The following MEGF10 variants were observed in gnomAD, a reference collection of about 807,000 sequenced individuals.
The protein encoded by MEGF10 is multiple EGF like domains 10, also known as multiple epidermal growth factor-like domains protein 10.
Under a neutral mutation model 147.5 loss-of-function variants are expected in MEGF10, and 86 were observed. The ratio of observed to expected loss-of-function variants is 0.58; its 90% CI spans 0.49 to 0.70. The LOEUF is 0.70. Among genes scored for constraint, MEGF10 ranks in the 30% least tolerant of loss-of-function variants. The pLI is 0.00. For synonymous variants in MEGF10, 478 were observed against 525.5 expected (o/e 0.91, Z 1.24); for missense variants, 1,329 against 1,487.3 (o/e 0.89, Z 1.75).
At chr5:127,444,074 T>C (rs1030405713) in intron 19 of MEGF10, among the ~76,000 whole-genome samples, 1 of 152,198 alleles carries the variant, frequency 6.6e-6, no homozygotes, top group African/African-American at 2.4e-5. Context: ...AGGTACATGG[T>C]CCTATTTGGG....
the MEGF10 span, among the ~76,000 whole-genome samples, chr5:127,285,612 T>C: frequency 1.3e-5 from 2 of 152,116 alleles, no homozygotes; most frequent in African/African-American, 4.8e-5. Flanking sequence ...TTGACATTTT[T>C]AGAACAATCT....
chr5:127,258,448 C>T, the MEGF10 span, among the ~76,000 whole-genome samples: 1 of 152,080 alleles, frequency 6.6e-6, no homozygotes, highest in Non-Finnish European at 1.5e-5. Flanking sequence ...TGAATATCAT[C>T]CATTAGTAAT....
rs373994791 is a variant in MEGF10, at chr5:127,417,648, A to C, written c.1141A>C (p.Met381Leu). Residue 381 changes from methionine to leucine, a missense_variant, in exon 10 of 25, where the codon ATG becomes CTG. Transcript: ENST00000503335. Reference sequence around the variant, plus strand: ...ATCCATGTCTCTCAGCTGTCACCCCATGTCTGGAGAGTGTGCCTGCAAGCC... The same window carrying C: ...ATCCATGTCTCTCAGCTGTCACCCCCTGTCTGGAGAGTGTGCCTGCAAGCC... ...HLENTHSCHPMSGECACKPGW... is the reference protein window; with the variant it reads ...HLENTHSCHPLSGECACKPGW... 6.2e-7 allele frequency: 1 copy of C among 1,614,130 alleles called. No individual in the cohort carries two copies. The highest frequency in any genetic ancestry group is 8.5e-7 in the Non-Finnish European group (1 of 1,180,006).
chr5:127,391,269 G>A (rs1272364241), intron 5 of MEGF10, among the ~76,000 whole-genome samples: 1 of 151,960 alleles, frequency 6.6e-6, no homozygotes, highest in Non-Finnish European at 1.5e-5. Context: ...CTGTCCTGTA[G>A]TACTATATAA....
chr5:127,262,908 A>T, the MEGF10 span, among the ~76,000 whole-genome samples: 2 of 152,190 alleles, frequency 1.3e-5, no homozygotes, highest in African/African-American at 2.4e-5. Flanking sequence ...TTGAAGTTTT[A>T]TCCTGCCATA....
intron 9 of MEGF10, among the ~76,000 whole-genome samples, chr5:127,416,477 A>T (rs1225809185): frequency 6.6e-6 from 1 of 152,188 alleles, no homozygotes; most frequent in Non-Finnish European, 1.5e-5. Context: ...TGGTCCTGTG[A>T]ATCTAAACCT....
chr5:127,333,170 G>A (rs146034531), intron 2 of MEGF10, among the ~76,000 whole-genome samples: 81 of 152,234 alleles, frequency 5.3e-4, no homozygotes, highest in African/African-American at 1.7e-3. Context: ...GGAATATCCA[G>A]CATGATGAGA....
chr5:127,454,538 G>C, intron 22 of MEGF10, 28 bp from the exon 23 acceptor site: 1 of 1,597,068 alleles, frequency 6.3e-7, no homozygotes, highest in Non-Finnish European at 8.5e-7. Context: ...AGTTCTCACT[G>C]GGTGTTTTTT....
chr5:127,269,050 A>T, the MEGF10 span, among the ~76,000 whole-genome samples: 1 of 152,242 alleles, frequency 6.6e-6, no homozygotes, highest in Non-Finnish European at 1.5e-5. Flanking sequence ...AGGAAAACTA[A>T]CAAACAGAAA....
At chr5:127,271,404 G>A in the MEGF10 span, among the ~76,000 whole-genome samples, 1 of 147,958 alleles carries the variant, frequency 6.8e-6, no homozygotes, top group Admixed American at 6.7e-5. Context: ...TTTTAGTGGG[G>A]TTTTTTTTTT....
At chr5:127,251,927 TAAC>T in the MEGF10 span, among the ~76,000 whole-genome samples, 1 of 151,786 alleles carries the variant, frequency 6.6e-6, no homozygotes, top group Non-Finnish European at 1.5e-5. Context: ...AATAGGAAAA[TAAC>T]AATCCCTCCA....
At chr5:127,441,407 A>T (rs1467641197) in intron 18 of MEGF10, among the ~76,000 whole-genome samples, 6 of 152,220 alleles carry the variant, frequency 3.9e-5, no homozygotes, top group African/African-American at 1.4e-4. Flanking sequence ...AACCTTCCAG[A>T]CAACATACTG....
At chr5:127,301,956 A>G (rs374688458) in intron 1 of MEGF10, among the ~76,000 whole-genome samples, 46 of 152,360 alleles carry the variant, frequency 3.0e-4, no homozygotes, top group African/African-American at 1.1e-3. Context: ...CATAAACTAT[A>G]AGGAATTTAC....
chr5:127,244,829 C>CT, the MEGF10 span, among the ~76,000 whole-genome samples: 1 of 151,912 alleles, frequency 6.6e-6, no homozygotes, highest in Non-Finnish European at 1.5e-5. Flanking sequence ...CTCACGTATA[C>CT]TTTTAAAAAA....
Position 127,411,911 on chromosome 5 carries a change from G to A in MEGF10, c.1130+1310G>A, listed in dbSNP as rs77927236. Among the ~76,000 whole-genome samples the A allele has an allele frequency of 8.0e-3, 1,213 of 152,298 alleles. 14 individuals are homozygous for A. Among genetic ancestry groups the A allele is most frequent in the African/African-American group, 0.028 (1,169 of 41,558 alleles). Reference sequence around the variant, plus strand: ...GAACATTACACCAGTGTGCTGTTCCGTTGTACATAGAGACAACTGAAATCA... The same window carrying A: ...GAACATTACACCAGTGTGCTGTTCCATTGTACATAGAGACAACTGAAATCA... On this transcript the variant is annotated intron_variant, in intron 9 of 24. Coordinates refer to ENST00000503335, the MANE Select transcript of MEGF10 (RefSeq NM_001256545.2).
rs77689894 is a variant in MEGF10, at chr5:127,314,461, T to C, written c.-18-16830T>C. On this transcript the variant is annotated intron_variant, in intron 1 of 24. Transcript: ENST00000503335. ...AGCAGCCCAAGGCAATGGAGAAATA[T>C]CAGATGAAGGATGTGGAGAGTTGGT... Among the ~76,000 whole-genome samples, 722 of 152,292 alleles carry C rather than the reference T, an allele frequency of 4.7e-3. 5 individuals are homozygous for C. Among genetic ancestry groups the C allele is most frequent in the African/African-American group, 0.017 (705 of 41,556 alleles).
At chr5:127,333,177 G>GAGAT (rs1043287393) in intron 2 of MEGF10, among the ~76,000 whole-genome samples, 3 of 152,132 alleles carry the variant, frequency 2.0e-5, no homozygotes, top group African/African-American at 7.2e-5. Context: ...CCAGCATGAT[G>GAGAT]AGATGTGAGA....
chr5:127,256,041 C>T, the MEGF10 span, among the ~76,000 whole-genome samples: 1 of 152,152 alleles, frequency 6.6e-6, no homozygotes, highest in Non-Finnish European at 1.5e-5. Flanking sequence ...TCAAACCAAC[C>T]ACTGGTATCC....
At chr5:127,343,689 G>C (rs961485163) in intron 4 of MEGF10, among the ~76,000 whole-genome samples, 1 of 152,098 alleles carries the variant, frequency 6.6e-6, no homozygotes, top group Non-Finnish European at 1.5e-5. Context: ...GGTGGCTCAT[G>C]CCTGTAATCC....
Sources: gnomAD v4.1 joint callset for allele counts (sites outside exome capture counted in the v4.1 genomes callset) on GRCh38, gnomAD v4.1.1 for gene constraint, MANE v1.5 for transcripts, NCBI Gene and HGNC (gene_info 2026-07-23, HGNC 2026-07-21) for gene names.